Variants in NDST1 observed in about 807,000 individuals in gnomAD.
The protein encoded by NDST1 is N-deacetylase and N-sulfotransferase 1, also known as bifunctional heparan sulfate N-deacetylase/N-sulfotransferase 1.
NDST1 carries 35 observed loss-of-function variants against 92.8 expected under a neutral mutation model. The observed-to-expected ratio is 0.38, with a 90% CI of 0.29 to 0.50. The LOEUF is 0.50. Among genes scored for constraint, NDST1 ranks in the 20% least tolerant of loss-of-function variants. The pLI, the probability that NDST1 is intolerant of heterozygous loss-of-function variation, is 0.94. For synonymous variants in NDST1, 493 were observed against 500.3 expected (o/e 0.99, Z 0.19); for missense variants, 822 against 1,182.7 (o/e 0.69, Z 4.47).
At chr5:150,546,408 C>A (rs887232851) in intron 11 of NDST1, among the ~76,000 whole-genome samples, 1 of 152,222 alleles carries the variant, frequency 6.6e-6, no homozygotes, top group Non-Finnish European at 1.5e-5. Flanking sequence ...GGAGTCCCTC[C>A]CCTGGCTGCC....
intron 13 of NDST1, 147 bp downstream of exon 13, chr5:150,549,934 A>G: frequency 1.4e-6 from 1 of 690,330 alleles, no homozygotes; most frequent in Admixed American, 2.1e-5. Flanking sequence ...AAGTCATATT[A>G]ATAAAGGTAT....
intron 11 of NDST1, among the ~76,000 whole-genome samples, chr5:150,545,927 C>T (rs1305562265): frequency 1.3e-5 from 2 of 150,272 alleles, no homozygotes; most frequent in Non-Finnish European, 3.0e-5. Flanking sequence ...GTTACCTGGG[C>T]TGTGATACAT....
intron 1 of NDST1, among the ~76,000 whole-genome samples, chr5:150,511,165 C>T (rs1003218913): frequency 6.6e-5 from 10 of 152,170 alleles, no homozygotes; most frequent in South Asian, 2.1e-4. Context: ...TGGCATGTAA[C>T]GCAGACATGG....
intron 1 of NDST1, among the ~76,000 whole-genome samples, chr5:150,509,588 C>T (rs982052776): frequency 6.6e-6 from 1 of 152,224 alleles, no homozygotes; most frequent in Non-Finnish European, 1.5e-5. Flanking sequence ...TCTCGGCTCA[C>T]TGTAATCTCC....
chr5:150,534,974 C>G lies in NDST1; in HGVS notation c.1204C>G (p.Gln402Glu). 2.5e-6 allele frequency: 4 copies of G among 1,614,278 alleles called. No individual in the cohort carries two copies. Among genetic ancestry groups the G allele is most frequent in the Non-Finnish European group, 3.4e-6 (4 of 1,180,052 alleles). Residue 402 changes from glutamine to glutamate, a missense_variant, in exon 5 of 15, where the codon CAG becomes GAG. Physicochemically the swap from Gln to Glu is conservative, Grantham distance 29 (BLOSUM62 2). Coordinates refer to ENST00000261797, the MANE Select transcript of NDST1 (RefSeq NM_001543.5). Reference sequence around the variant, plus strand: ...CATGCAGCCCCACCTTTTCCACAACCAGTCCGTGTTGGCCGAGCAGATGGC... The same window carrying G: ...CATGCAGCCCCACCTTTTCCACAACGAGTCCGTGTTGGCCGAGCAGATGGC... Reference protein sequence around the residue: ...SHMQPHLFHNQSVLAEQMALN... With the variant: ...SHMQPHLFHNESVLAEQMALN...
chr5:150,540,018 T>G lies in NDST1; in HGVS notation c.1567-64T>G. 1.9e-6 allele frequency: 3 copies of G among 1,592,014 alleles called. No homozygotes were observed. The Middle Eastern group carries it at 5.0e-4, about 264-fold the overall frequency. ...TAAGGCAGGGTCAGAAGGGTCAGAG[T>G]TGGCGGTGAGGGTGGCTCAGACACT... On this transcript the variant is annotated intron_variant, in intron 7 of 14. Coordinates refer to ENST00000261797, the MANE Select transcript of NDST1 (RefSeq NM_001543.5).
chr5:150,544,384 G>A (rs1755388394), intron 10 of NDST1, among the ~76,000 whole-genome samples: 1 of 152,204 alleles, frequency 6.6e-6, no homozygotes, highest in Non-Finnish European at 1.5e-5. Flanking sequence ...TTGAGATATT[G>A]TAAACAAAGG....
intron 7 of NDST1, 22 bp downstream of exon 7, chr5:150,539,378 G>T: frequency 6.2e-7 from 1 of 1,613,720 alleles, no homozygotes; most frequent in Non-Finnish European, 8.5e-7. Context: ...ACAGCCCATG[G>T]CTGCTGGTGA....
intron 1 of NDST1, among the ~76,000 whole-genome samples, chr5:150,514,355 A>AG (rs1753859140): frequency 1.3e-5 from 2 of 152,164 alleles, no homozygotes; most frequent in African/African-American, 4.8e-5. Flanking sequence ...GGATCATCGG[A>AG]GGTCAGGAGT....
intron 2 of NDST1, among the ~76,000 whole-genome samples, chr5:150,525,206 C>T (rs865980721): frequency 1.1e-4 from 16 of 152,326 alleles, no homozygotes; most frequent in Middle Eastern, 6.8e-3. Context: ...GCCAGCCTCT[C>T]GGTGCTGAGG....
chr5:150,511,257 A>G (rs959837980), intron 1 of NDST1, among the ~76,000 whole-genome samples: 10 of 152,322 alleles, frequency 6.6e-5, no homozygotes, highest in African/African-American at 2.4e-4. Context: ...GGGGAAGGTA[A>G]TTGGCAAGGG....
intron 1 of NDST1, among the ~76,000 whole-genome samples, chr5:150,514,582 A>G (rs76955591): frequency 2.0e-5 from 3 of 149,638 alleles, no homozygotes; most frequent in Non-Finnish European, 4.4e-5. Flanking sequence ...AAAAAAAAAA[A>G]GTGCTTAGCA....
intron 1 of NDST1, among the ~76,000 whole-genome samples, chr5:150,510,846 T>C (rs1581345560): frequency 6.6e-6 from 1 of 152,366 alleles, no homozygotes; most frequent in African/African-American, 2.4e-5. Flanking sequence ...TAGAGGCTGC[T>C]TGTGATACTA....
Position 150,540,200 on chromosome 5 carries a change from C to A in NDST1, c.1685C>A (p.Pro562His), listed in dbSNP as rs1755180148. 6.2e-7 allele frequency: 1 copy of A among 1,614,040 alleles called. No homozygotes were observed. Residue 562 changes from proline to histidine, a missense_variant, in exon 8 of 15, where the codon CCC (proline) becomes CAC (histidine). Physicochemically the swap from Pro to His is moderately conservative, Grantham distance 77. Coordinates refer to ENST00000261797, the MANE Select transcript of NDST1 (RefSeq NM_001543.5). The stretch of plus-strand genomic sequence containing the variant: ...ACGAACCTCCGGCTGCAGACACTGC[C>A]CCCTGTGCAGTTGGCGCAGAAGTAC... ...SWTNLRLQTLPPVQLAQKYFQ... is the reference protein window; with the variant it reads ...SWTNLRLQTLHPVQLAQKYFQ...
intron 10 of NDST1, 98 bp downstream of exon 10, chr5:150,543,069 C>T (rs771642374): frequency 3.4e-6 from 5 of 1,487,608 alleles, no homozygotes; most frequent in Non-Finnish European, 4.7e-6. Flanking sequence ...GGAGCTTGCT[C>T]ACACACAGCT....
chr5:150,512,151 C>G (rs1279690185), intron 1 of NDST1, among the ~76,000 whole-genome samples: 1 of 152,130 alleles, frequency 6.6e-6, no homozygotes, highest in Non-Finnish European at 1.5e-5. Context: ...TCTTTCTGCA[C>G]TGACCTCCTC....
At position 150,500,321 on chromosome 5, in the gene NDST1, G is replaced by C. The variant is rs116663414; in HGVS notation, c.-388+2082G>C. Among the ~76,000 whole-genome samples the C allele has an allele frequency of 6.7e-3, 1,028 of 152,334 alleles. 5 individuals are homozygous for C. The highest frequency in any genetic ancestry group is 0.013 in the South Asian group (64 of 4,832). On this transcript the variant is annotated intron_variant, in intron 1 of 1. Coordinates refer to the NDST1 transcript ENST00000518299. ...GTCTATAGACCACTCTTTAAGGACTGTCTTAGTGCATGGAGCCCAGGGCTG... is the reference window on the plus strand; with the variant it reads ...GTCTATAGACCACTCTTTAAGGACTCTCTTAGTGCATGGAGCCCAGGGCTG...
At position 150,553,157 on chromosome 5, in the gene NDST1, AGAG is replaced by A. The variant is rs1291827864; in HGVS notation, c.2530-51_2530-49del. ...TGCCCGGCCGAGCATGGCGATTTTT[AGAG>A]GAGGTCACTCTTAAGTCAGTACACA... On this transcript the variant is annotated intron_variant, in intron 14 of 14. Transcript: ENST00000261797. The surrounding 1 kb of genome is among the most constrained non-coding windows in gnomAD (Gnocchi z 4.2). 8.8e-6 allele frequency: 14 copies of A among 1,593,372 alleles called. No individual in the cohort carries two copies. Among genetic ancestry groups the A allele is most frequent in the Admixed American group, 3.4e-5 (2 of 59,342 alleles).
At chr5:150,539,844 G>A in intron 7 of NDST1, 1 of 941,708 alleles carries the variant, frequency 1.1e-6, no homozygotes. Flanking sequence ...AACCCAAATA[G>A]CTCCCACATT....
Sources: gnomAD v4.1 joint callset for allele counts (sites outside exome capture counted in the v4.1 genomes callset) on GRCh38, gnomAD v4.1.1 for gene constraint, Gnocchi (gnomAD v3.1) non-coding constraint, MANE v1.5 for transcripts, NCBI Gene and HGNC (gene_info 2026-07-23, HGNC 2026-07-21) for gene names.